The following RABGAP1L variants were observed in gnomAD, a reference collection of about 807,000 sequenced individuals.
RABGAP1L encodes RAB GTPase activating protein 1 like.
A neutral mutation model predicts 137.7 loss-of-function variants in RABGAP1L; 63 were observed. The ratio of observed to expected loss-of-function variants is 0.46; its 90% CI spans 0.37 to 0.56. RABGAP1L has a LOEUF of 0.56. RABGAP1L is among the 20% of genes least tolerant of loss of function. The pLI is 0.00. For synonymous variants in RABGAP1L, 431 were observed against 433.7 expected (o/e 0.99, Z 0.08); for missense variants, 1,095 against 1,244.0 (o/e 0.88, Z 1.80).
chr1:174,292,454 T>C (rs1312951230), intron 10 of RABGAP1L, among the ~76,000 whole-genome samples: 2 of 151,624 alleles, frequency 1.3e-5, no homozygotes, highest in Non-Finnish European at 2.9e-5. Flanking sequence ...ATATTGTGTG[T>C]TCATTTTAAT....
chr1:174,690,070 C>G (rs1239707622), intron 15 of RABGAP1L, among the ~76,000 whole-genome samples: 1 of 152,104 alleles, frequency 6.6e-6, no homozygotes, highest in Non-Finnish European at 1.5e-5. Context: ...TCCCTGTGTC[C>G]TAATACACAC....
intron 1 of RABGAP1L, among the ~76,000 whole-genome samples, chr1:174,167,802 C>G (rs542861200): frequency 1.3e-5 from 2 of 152,256 alleles, no homozygotes; most frequent in East Asian, 3.9e-4. Flanking sequence ...TTAAGAGACA[C>G]ATATCACTAG....
intron 12 of RABGAP1L, among the ~76,000 whole-genome samples, chr1:174,388,239 C>G (rs1476324388): frequency 1.3e-5 from 2 of 151,778 alleles, no homozygotes; most frequent in Middle Eastern, 3.2e-3. Flanking sequence ...TCTTAAATAG[C>G]TAGATCATTC....
chr1:174,772,212 CA>C (rs1686168757), intron 18 of RABGAP1L, among the ~76,000 whole-genome samples: 1 of 149,368 alleles, frequency 6.7e-6, no homozygotes, highest in Non-Finnish European at 1.5e-5. Context: ...AAACAAAAAA[CA>C]AAACAAAAAA....
intron 11 of RABGAP1L, among the ~76,000 whole-genome samples, chr1:174,310,946 T>C (rs534100270): frequency 1.3e-5 from 2 of 152,280 alleles, no homozygotes; most frequent in African/African-American, 2.4e-5. Flanking sequence ...TACAATTAAG[T>C]TATTATTGAC....
chr1:174,896,553 T>C (rs1319987991), intron 19 of RABGAP1L, among the ~76,000 whole-genome samples: 1 of 152,248 alleles, frequency 6.6e-6, no homozygotes, highest in Non-Finnish European at 1.5e-5. Flanking sequence ...GGTTTTCTTC[T>C]AGGGTTTTTA....
At position 174,638,746 on chromosome 1, in the gene RABGAP1L, T is replaced by G. The variant is rs1243874839; in HGVS notation, c.1824+1258T>G. 1.4e-4 allele frequency among the ~76,000 whole-genome samples: 21 copies of G among 145,486 alleles called. 1 individual carries two copies. Among genetic ancestry groups the G allele is most frequent in the Admixed American group, 1.4e-3 (20 of 14,368 alleles). On this transcript the variant is annotated intron_variant, in intron 14 of 25. Transcript: ENST00000681986. ...TTCATGTCCTTTGTAGGGACATGGA[T>G]GAAATTGGAAACCATCATTCTCAGT...
intron 19 of RABGAP1L, among the ~76,000 whole-genome samples, chr1:174,843,242 T>TA (rs1693626689): frequency 1.4e-5 from 2 of 144,454 alleles, no homozygotes; most frequent in Admixed American, 6.8e-5. Context: ...TTTTTTTTTT[T>TA]ATACTTTAAG....
At chr1:174,525,159 C>G (rs1663765401) in intron 13 of RABGAP1L, among the ~76,000 whole-genome samples, 1 of 151,810 alleles carries the variant, frequency 6.6e-6, no homozygotes, top group African/African-American at 2.4e-5. Flanking sequence ...TTTTAGAATT[C>G]TTTTTACTAA....
intron 13 of RABGAP1L, among the ~76,000 whole-genome samples, chr1:174,566,624 G>C (rs1359197673): frequency 6.6e-6 from 1 of 152,088 alleles, no homozygotes; most frequent in African/African-American, 2.4e-5. Flanking sequence ...ACTTGTCCTT[G>C]AATACCTATT....
At chr1:174,242,665 A>AT (rs1671924380) in intron 5 of RABGAP1L, among the ~76,000 whole-genome samples, 1 of 152,220 alleles carries the variant, frequency 6.6e-6, no homozygotes. Flanking sequence ...CACTAAACTG[A>AT]ACATGCACAG....
At chr1:174,398,913 T>C (rs1648212033) in intron 13 of RABGAP1L, among the ~76,000 whole-genome samples, 1 of 152,166 alleles carries the variant, frequency 6.6e-6, no homozygotes, top group Non-Finnish European at 1.5e-5. Context: ...ACTGTAAATA[T>C]TTACTAATTG....
At chr1:174,548,217 A>G (rs1016887602) in intron 13 of RABGAP1L, 2 of 1,426,306 alleles carry the variant, frequency 1.4e-6, no homozygotes, top group African/African-American at 1.4e-5. Flanking sequence ...AAGAGAAAGC[A>G]TAATCTACAG....
At chr1:174,312,425 C>T (rs189663550) in intron 11 of RABGAP1L, among the ~76,000 whole-genome samples, 1 of 152,044 alleles carries the variant, frequency 6.6e-6, no homozygotes, top group East Asian at 1.9e-4. Flanking sequence ...AAATCTTTTG[C>T]CCGTGTGTTA....
chr1:174,193,336 A>C lies in RABGAP1L; in HGVS notation c.-33-25789A>C, dbSNP rs188758195. On this transcript the variant is annotated intron_variant, in intron 1 of 25. Coordinates refer to ENST00000681986, the MANE Select transcript of RABGAP1L (RefSeq NM_001366446.1). ...CATCTGAGGTCAGGAGTTCAAGACC[A>C]CCCTTGCCAACATGACAAAACCCTG... Among the ~76,000 whole-genome samples, 210 of 152,318 alleles carry C rather than the reference A, an allele frequency of 1.4e-3. 4 individuals are homozygous for C. In the East Asian group the frequency reaches 0.03, roughly 22 times the overall value.
chr1:174,414,702 T>C (rs1425542022), intron 13 of RABGAP1L, among the ~76,000 whole-genome samples: 1 of 152,156 alleles, frequency 6.6e-6, no homozygotes, highest in Non-Finnish European at 1.5e-5. Flanking sequence ...TTAAGTTATA[T>C]ACCATAGCTG....
chr1:174,703,528 A>G (rs149880425), intron 17 of RABGAP1L, among the ~76,000 whole-genome samples: 3 of 152,314 alleles, frequency 2.0e-5, no homozygotes, highest in African/African-American at 7.2e-5. Flanking sequence ...TTGCTATTAT[A>G]AATAGTGCTG....
intron 11 of RABGAP1L, chr1:174,367,109 A>C (rs1168642386): frequency 6.6e-6 from 1 of 152,404 alleles, no homozygotes; most frequent in African/African-American, 2.4e-5. Flanking sequence ...TTTATTCCAC[A>C]GTTAAAAAGT....
chr1:174,385,970 T>C (rs891892281), intron 12 of RABGAP1L, among the ~76,000 whole-genome samples: 3 of 152,182 alleles, frequency 2.0e-5, no homozygotes, highest in Non-Finnish European at 2.9e-5. Flanking sequence ...TTTATTAAAA[T>C]GGGCAATATA....
Sources: allele counts gnomAD v4.1 joint callset (sites outside exome capture counted in the v4.1 genomes callset), GRCh38; gene constraint gnomAD v4.1.1; transcripts MANE v1.5; gene names NCBI Gene and HGNC (gene_info 2026-07-23, HGNC 2026-07-21).